Variants in TCF4 observed in about 807,000 individuals in gnomAD.
TCF4 encodes the protein transcription factor 4, also known as SL3-3 enhancer factor 2.
A neutral mutation model predicts 82.1 loss-of-function variants in TCF4; 3 were observed. The ratio of observed to expected loss-of-function variants is 0.04; its 90% CI spans 0.02 to 0.09. The LOEUF is 0.09. TCF4 is among the 10% of genes least tolerant of loss of function. The pLI is 1.00. For synonymous variants in TCF4, 276 were observed against 309.6 expected (o/e 0.89, Z 1.14); for missense variants, 518 against 852.7 (o/e 0.61, Z 4.89).
intron 2 of TCF4, among the ~76,000 whole-genome samples, chr18:55,605,020 C>G (rs1035015895): frequency 6.6e-6 from 1 of 152,158 alleles, no homozygotes; most frequent in African/African-American, 2.4e-5. Flanking sequence ...CCAGGGAGGA[C>G]AGCTGGAACA....
intron 3 of TCF4, chr18:55,479,147 T>C (rs2096367299): frequency 6.6e-6 from 1 of 152,392 alleles, no homozygotes; most frequent in Non-Finnish European, 1.5e-5. Flanking sequence ...ATCTTCTGAT[T>C]TCCTTTAGTG....
intron 3 of TCF4, among the ~76,000 whole-genome samples, chr18:55,576,474 C>G (rs1341286852): frequency 1.3e-5 from 2 of 152,150 alleles, no homozygotes; most frequent in African/African-American, 4.8e-5. Context: ...TGGAAATCAT[C>G]CCATGTGTCT....
chr18:55,615,916 A>G (rs2097711270), intron 2 of TCF4, among the ~76,000 whole-genome samples: 1 of 152,088 alleles, frequency 6.6e-6, no homozygotes, highest in Admixed American at 6.6e-5. Context: ...TTTTGTTTAG[A>G]ACTTTTATAT....
intron 3 of TCF4, among the ~76,000 whole-genome samples, chr18:55,464,570 C>A (rs1306105440): frequency 6.6e-6 from 1 of 152,182 alleles, no homozygotes; most frequent in African/African-American, 2.4e-5. Context: ...CTTTTTGTTC[C>A]ATAGCCCAGG....
At chr18:55,580,311 C>T (rs571639674) in intron 3 of TCF4, among the ~76,000 whole-genome samples, 189 of 152,010 alleles carry the variant, frequency 1.2e-3, no homozygotes, top group African/African-American at 4.4e-3. Flanking sequence ...GATCTAACAA[C>T]GAACTGCAAA....
At chr18:55,320,214 A>T (rs2075154926) in intron 8 of TCF4, among the ~76,000 whole-genome samples, 1 of 152,158 alleles carries the variant, frequency 6.6e-6, no homozygotes, top group African/African-American at 2.4e-5. Flanking sequence ...GATGTTACAT[A>T]ATCCCAATAT....
intron 3 of TCF4, among the ~76,000 whole-genome samples, chr18:55,476,963 CA>C: frequency 6.6e-6 from 1 of 152,038 alleles, no homozygotes. Flanking sequence ...AATCAGCATA[CA>C]CACACACACG....
chr18:55,417,188 C>T (rs760791189), intron 5 of TCF4, among the ~76,000 whole-genome samples: 24 of 152,132 alleles, frequency 1.6e-4, no homozygotes, highest in Non-Finnish European at 3.1e-4. Flanking sequence ...TCAACTGAAT[C>T]CCTTTGATGA....
intron 5 of TCF4, among the ~76,000 whole-genome samples, chr18:55,405,582 C>T (rs1022491103): frequency 6.6e-6 from 1 of 152,140 alleles, no homozygotes; most frequent in Non-Finnish European, 1.5e-5. Flanking sequence ...CTCCAACACA[C>T]AGAACAGGAG....
At chr18:55,548,930 C>T (rs939090553) in intron 3 of TCF4, among the ~76,000 whole-genome samples, 4 of 152,148 alleles carry the variant, frequency 2.6e-5, no homozygotes, top group African/African-American at 7.2e-5. Context: ...ATGCAAAGGC[C>T]TAGGACATTC....
At chr18:55,386,884 T>G (rs2092652936) in intron 6 of TCF4, among the ~76,000 whole-genome samples, 1 of 152,186 alleles carries the variant, frequency 6.6e-6, no homozygotes, top group Non-Finnish European at 1.5e-5. Flanking sequence ...GGTGCTCCAG[T>G]TGAGTAGTAA....
intron 3 of TCF4, among the ~76,000 whole-genome samples, chr18:55,468,885 C>G (rs865983131): frequency 0.012 from 1,441 of 120,996 alleles, 37 homozygotes; most frequent in African/African-American, 0.04. Context: ...GTTCTCGCCC[C>G]CCCCCCCCTT....
chr18:55,243,939 A>G (rs2052189097), intron 15 of TCF4, among the ~76,000 whole-genome samples: 1 of 152,220 alleles, frequency 6.6e-6, no homozygotes, highest in South Asian at 2.1e-4. Context: ...TCAGAGAATC[A>G]TAACATTGCT....
intron 10 of TCF4, among the ~76,000 whole-genome samples, chr18:55,271,102 T>C (rs931609605): frequency 2.0e-5 from 3 of 152,066 alleles, no homozygotes; most frequent in African/African-American, 4.8e-5. Flanking sequence ...GAAACCATAG[T>C]CTCTTGAGTG....
chr18:55,243,087 C>T (rs529885814), intron 15 of TCF4, among the ~76,000 whole-genome samples: 9 of 152,176 alleles, frequency 5.9e-5, no homozygotes, highest in South Asian at 2.1e-4. Flanking sequence ...AGTGATGGGT[C>T]GAATTTTGAT....
At chr18:55,351,071 T>A in intron 6 of TCF4, 68 bp from the exon 7 acceptor site, 2 of 1,593,290 alleles carry the variant, frequency 1.3e-6, no homozygotes, top group East Asian at 2.2e-5. Context: ...TCCCAACTGA[T>A]TGTTAGTACT....
chr18:55,493,864 T>C (rs1481491458), intron 3 of TCF4, among the ~76,000 whole-genome samples: 1 of 152,062 alleles, frequency 6.6e-6, no homozygotes. Context: ...ATCCAATTTA[T>C]TTCCCCAGGT....
chr18:55,297,150 T>G (rs959696237), intron 8 of TCF4, among the ~76,000 whole-genome samples: 1,235 of 121,468 alleles, frequency 0.01, 24 homozygotes, highest in South Asian at 0.099. Context: ...CTTTGAGGTT[T>G]TTTTTTTTTT....
chr18:55,585,966 T>G lies in TCF4; in HGVS notation c.73-614A>C. On this transcript the variant is annotated intron_variant, in intron 2 of 19. Transcript: ENST00000354452. ...CTTCTTCGACGTATCTAGTGGATAA[T>G]GCACACCTTCCCTGAGTCAGAGCCT... 5.3e-6 allele frequency: 7 copies of G among 1,315,398 alleles called. 1 individual carries two copies. The highest frequency in any genetic ancestry group is 2.0e-6 in the Non-Finnish European group (2 of 1,019,318). 81.5% of individuals were successfully genotyped at this position (1,315,398 alleles called of 1,614,324 possible).
Sources: allele counts gnomAD v4.1 joint callset (sites outside exome capture counted in the v4.1 genomes callset), GRCh38; gene constraint gnomAD v4.1.1; transcripts MANE v1.5; gene names NCBI Gene and HGNC (gene_info 2026-07-23, HGNC 2026-07-21).